Variants in SNTG2 observed in about 807,000 individuals in gnomAD.
SNTG2 encodes the protein gamma-2-syntrophin.
A neutral mutation model predicts 70.9 loss-of-function variants in SNTG2; 74 were observed. The observed-to-expected ratio is 1.04, with a 90% CI of 0.86 to 1.27. SNTG2 has a LOEUF of 1.27. SNTG2 is among the 50% of genes most tolerant of loss of function. The pLI is 0.00. For synonymous variants in SNTG2, 278 were observed against 273.8 expected (o/e 1.02, Z -0.15); for missense variants, 717 against 690.7 (o/e 1.04, Z -0.43).
chr2:1,091,692 A>C (rs1270234973), intron 2 of SNTG2, among the ~76,000 whole-genome samples: 1 of 152,198 alleles, frequency 6.6e-6, no homozygotes, highest in African/African-American at 2.4e-5. Context: ...GCCAGATCCA[A>C]CTCCTCAAGA....
chr2:982,160 C>A (rs1296459228), intron 1 of SNTG2, among the ~76,000 whole-genome samples: 1 of 152,184 alleles, frequency 6.6e-6, no homozygotes, highest in Non-Finnish European at 1.5e-5. Context: ...TTTATTAAGT[C>A]ACTCACCTGT....
intron 1 of SNTG2, among the ~76,000 whole-genome samples, chr2:988,360 G>A (rs1191552354): frequency 1.3e-5 from 2 of 152,186 alleles, no homozygotes; most frequent in Non-Finnish European, 2.9e-5. Flanking sequence ...GGCCATACTG[G>A]CCTGTTCTGT....
chr2:1,110,025 C>T (rs898388922), intron 4 of SNTG2, among the ~76,000 whole-genome samples: 3 of 152,106 alleles, frequency 2.0e-5, no homozygotes, highest in African/African-American at 7.2e-5. Context: ...AGGTTGGACA[C>T]GAGGCTCACT....
chr2:963,879 ATGT>A (rs1330258618), intron 1 of SNTG2, among the ~76,000 whole-genome samples: 3 of 152,170 alleles, frequency 2.0e-5, no homozygotes, highest in Admixed American at 2.0e-4. Flanking sequence ...ATCCAATTGC[ATGT>A]TGTTATAAAT....
At chr2:1,340,857 T>C (rs1003371975) in intron 16 of SNTG2, among the ~76,000 whole-genome samples, 7 of 152,164 alleles carry the variant, frequency 4.6e-5, no homozygotes, top group African/African-American at 7.2e-5. Flanking sequence ...TTCTTCCTAA[T>C]TTTTTTATAA....
chr2:1,082,112 T>C (rs1047361529), intron 1 of SNTG2, among the ~76,000 whole-genome samples: 1 of 152,084 alleles, frequency 6.6e-6, no homozygotes, highest in Non-Finnish European at 1.5e-5. Flanking sequence ...GGTTGGCAGC[T>C]TCCCTCGGCG....
chr2:1,207,760 A>G (rs1055344599), intron 8 of SNTG2, among the ~76,000 whole-genome samples: 4 of 152,162 alleles, frequency 2.6e-5, no homozygotes, highest in Non-Finnish European at 4.4e-5. Context: ...GTCTCCTCTC[A>G]CCGCAAACCA....
intron 1 of SNTG2, among the ~76,000 whole-genome samples, chr2:1,016,184 G>T (rs1659885496): frequency 6.6e-6 from 1 of 151,974 alleles, no homozygotes; most frequent in Admixed American, 6.6e-5. Context: ...AAAAAAAAGT[G>T]TATAACTGTT....
intron 14 of SNTG2, among the ~76,000 whole-genome samples, chr2:1,283,903 T>G (rs1227233522): frequency 6.6e-6 from 1 of 152,194 alleles, no homozygotes; most frequent in Admixed American, 6.5e-5. Context: ...ATAGAGCTGC[T>G]GAGAGAAACA....
At chr2:1,095,278 C>T (rs1011763870) in intron 2 of SNTG2, among the ~76,000 whole-genome samples, 13 of 152,202 alleles carry the variant, frequency 8.5e-5, no homozygotes, top group African/African-American at 3.1e-4. Context: ...ATTCCCAGCA[C>T]TTCCTATTAG....
intron 1 of SNTG2, among the ~76,000 whole-genome samples, chr2:959,105 T>C (rs1186822931): frequency 6.6e-6 from 1 of 151,878 alleles, no homozygotes; most frequent in Non-Finnish European, 1.5e-5. Flanking sequence ...TTTAATTATA[T>C]TTAAAAAATT....
chr2:976,555 A>G (rs1334685386), intron 1 of SNTG2, among the ~76,000 whole-genome samples: 2 of 152,240 alleles, frequency 1.3e-5, no homozygotes, highest in Non-Finnish European at 2.9e-5. Context: ...GCCTGAGAGC[A>G]GAAGCATGAC....
intron 1 of SNTG2, among the ~76,000 whole-genome samples, chr2:971,710 C>T (rs1330223850): frequency 1.5e-5 from 2 of 134,488 alleles, no homozygotes. Flanking sequence ...GGGTCAGTTT[C>T]CTCCTTTTTT....
At chr2:1,176,465 T>C (rs1169235460) in intron 8 of SNTG2, among the ~76,000 whole-genome samples, 1 of 140,490 alleles carries the variant, frequency 7.1e-6, no homozygotes, top group Non-Finnish European at 1.6e-5. Flanking sequence ...AGTTTGTTTT[T>C]ATTTTAAATA....
At chr2:1,225,669 G>A (rs986847527) in intron 9 of SNTG2, among the ~76,000 whole-genome samples, 1 of 152,178 alleles carries the variant, frequency 6.6e-6, no homozygotes, top group African/African-American at 2.4e-5. Context: ...TCCCAGTGTG[G>A]GACAAAGCTC....
intron 8 of SNTG2, among the ~76,000 whole-genome samples, chr2:1,182,248 G>A (rs1462028436): frequency 2.6e-5 from 4 of 151,686 alleles, no homozygotes; most frequent in African/African-American, 9.7e-5. Flanking sequence ...CAAGTCTAAT[G>A]TGGGACTCAC....
chr2:1,104,199 C>T (rs1219681617), intron 4 of SNTG2, among the ~76,000 whole-genome samples: 1 of 152,182 alleles, frequency 6.6e-6, no homozygotes, highest in Admixed American at 6.5e-5. Context: ...CTCTTTCAAA[C>T]GTTTGTAAAG....
chr2:1,033,685 G>A lies in SNTG2; in HGVS notation c.73-49833G>A, dbSNP rs180994320. On this transcript the variant is annotated intron_variant, in intron 1 of 16. Coordinates refer to ENST00000308624, the MANE Select transcript of SNTG2 (RefSeq NM_018968.4). ...AGTCTGCTGTCTTGCTCTTGTGGAG[G>A]TCTGGATTGACCTTGGAGTAGAAGT... 5.4e-3 allele frequency among the ~76,000 whole-genome samples: 815 copies of A among 152,298 alleles called. 2 individuals are homozygous for A. Among genetic ancestry groups the A allele is most frequent in the Admixed American group, 0.013 (199 of 15,294 alleles).
At chr2:1,178,103 G>A (rs1296481632) in intron 8 of SNTG2, among the ~76,000 whole-genome samples, 1 of 152,172 alleles carries the variant, frequency 6.6e-6, no homozygotes, top group African/African-American at 2.4e-5. Context: ...TTTGAGGCAT[G>A]CTAGTTGGTT....
Sources: allele counts gnomAD v4.1 joint callset (sites outside exome capture counted in the v4.1 genomes callset), GRCh38; gene constraint gnomAD v4.1.1; transcripts MANE v1.5; gene names NCBI Gene and HGNC (gene_info 2026-07-23, HGNC 2026-07-21).